Variants in MTFMT observed in about 807,000 individuals in gnomAD.
The protein encoded by MTFMT is methionyl-tRNA formyltransferase, mitochondrial.
Under a neutral mutation model 51.8 loss-of-function variants are expected in MTFMT, and 47 were observed. The ratio of observed to expected loss-of-function variants is 0.91; its 90% CI spans 0.72 to 1.16. The LOEUF (loss-of-function observed/expected upper bound fraction) is 1.16, where lower values mean the gene tolerates loss of function less well. Among genes scored for constraint, MTFMT ranks in the 50% most tolerant of loss-of-function variants. The probability of loss-of-function intolerance (pLI) is 0.00; values close to 1 mark genes in which losing one functional copy is unlikely to be tolerated. For missense variants in MTFMT, 512 were observed against 482.3 expected, an observed-to-expected ratio of 1.06 and a Z score of -0.58; for synonymous variants, 196 against 176.7, an observed-to-expected ratio of 1.11 and a Z score of -0.87.
At chr15:65,005,481 TATA>T (rs2086213852) in intron 7 of MTFMT, among the ~76,000 whole-genome samples, 1 of 152,266 alleles carries the variant, frequency 6.6e-6, no homozygotes, top group Middle Eastern at 3.4e-3. Context: ...ATATTTTCAT[TATA>T]ATATTCACCA....
Position 65,029,476 on chromosome 15 carries a change from A to G in MTFMT, c.138T>C (p.Pro46=). 1 of 1,534,020 alleles carries G rather than the reference A, an allele frequency of 6.5e-7. No individual in the cohort carries two copies. The highest frequency in any genetic ancestry group is 8.8e-7 in the Non-Finnish European group (1 of 1,141,950). Residue 46 remains proline, a synonymous_variant, in exon 1 of 9, where the codon CCT becomes CCC. Transcript: ENST00000220058. ...DCRDSRVREK[P]PWRVLFFGTD... ...TGCCGAAGAAGAGCACCCGCCAGGG[A>G]GGCTTCTCGCGGACTCTGGAGTCCC...
At chr15:65,013,219 C>T (rs762258440) in intron 6 of MTFMT, among the ~76,000 whole-genome samples, 14 of 151,956 alleles carry the variant, frequency 9.2e-5, no homozygotes, top group Non-Finnish European at 1.9e-4. Context: ...AGAGCGCAGA[C>T]ATCTTTATCT....
intron 6 of MTFMT, among the ~76,000 whole-genome samples, chr15:65,015,119 T>C (rs1433734375): frequency 6.6e-6 from 1 of 152,118 alleles, no homozygotes; most frequent in Non-Finnish European, 1.5e-5. Flanking sequence ...CAAGATGCTG[T>C]AAATATATTA....
chr15:65,012,811 T>C (rs1270136141), intron 6 of MTFMT, among the ~76,000 whole-genome samples: 3 of 152,236 alleles, frequency 2.0e-5, no homozygotes, highest in African/African-American at 4.8e-5. Context: ...TCCTCCAATT[T>C]TGTTAGTTTT....
intron 2 of MTFMT, chr15:65,026,421 T>C: frequency 4.3e-6 from 1 of 232,698 alleles, no homozygotes; most frequent in Non-Finnish European, 9.1e-6. Flanking sequence ...GGATTGGTCT[T>C]GCTTTTGGTG....
chr15:65,006,180 C>G lies in MTFMT; in HGVS notation c.825G>C (p.Gln275His), dbSNP rs747614238. ...TAATGGTATTCGCCATCCAGAGCGT[C>G]TGCAACGGAATCTGCAAGTAAAATT... Reference protein sequence around the residue: ...YRAIGNIIPLQTLWMANTIKL... With the variant: ...YRAIGNIIPLHTLWMANTIKL... The change falls in exon 7 of 9, where the codon CAG (glutamine) becomes CAC (histidine). Residue 275 changes from glutamine (Q) to histidine (H), a missense_variant. Transcript: ENST00000220058. 2 of 1,611,886 alleles carry G rather than the reference C, an allele frequency of 1.2e-6. No homozygotes were observed. Among genetic ancestry groups the G allele is most frequent in the African/African-American group, 2.7e-5 (2 of 74,862 alleles).
Position 65,029,435 on chromosome 15 carries a change from C to A in MTFMT, c.179G>T (p.Arg60Leu), listed in dbSNP as rs1374727012. The A allele has an allele frequency of 1.3e-6, 2 of 1,506,276 alleles. No homozygotes were observed. Among genetic ancestry groups the A allele is most frequent in the Admixed American group, 2.1e-5 (1 of 46,570 alleles). The allele number at this position is 1,506,276 out of a possible 1,614,324, so 93.3% of individuals were successfully genotyped here. A position where few individuals can be genotyped will look rare whatever the true frequency, so the allele number is the denominator to read the frequency against. Residue 60 changes from arginine to leucine, a missense_variant, in exon 1 of 9, where the codon CGC becomes CTC. Transcript: ENST00000220058. Reference protein sequence around the residue: ...VLFFGTDQFAREALRALHAAR... With the variant: ...VLFFGTDQFALEALRALHAAR... Reference sequence around the variant, plus strand: ...GGCGTGCAGCGCCCGCAGCGCCTCGCGGGCGAACTGGTCCGTGCCGAAGAA... The same window carrying A: ...GGCGTGCAGCGCCCGCAGCGCCTCGAGGGCGAACTGGTCCGTGCCGAAGAA...
In MTFMT at chr15:65,009,646, T is replaced by C. The variant is rs79611976; in HGVS notation, c.814-3455A>G. Among the ~76,000 whole-genome samples, 1,399 of 151,140 alleles carry C rather than the reference T, an allele frequency of 9.3e-3. 21 individuals are homozygous for C. The highest frequency in any genetic ancestry group is 0.033 in the African/African-American group (1,363 of 41,124). On this transcript the variant is annotated intron_variant, in intron 6 of 8. Coordinates refer to ENST00000220058, the MANE Select transcript of MTFMT (RefSeq NM_139242.4). ...CTGGCTACAGTCGCAGCAGCTTCTTTTTATTTTTTTAATTTTTTTTTTTAA... is the reference window on the plus strand; with the variant it reads ...CTGGCTACAGTCGCAGCAGCTTCTTCTTATTTTTTTAATTTTTTTTTTTAA...
At chr15:65,013,034 C>CT (rs750008168) in intron 6 of MTFMT, among the ~76,000 whole-genome samples, 3 of 151,940 alleles carry the variant, frequency 2.0e-5, no homozygotes, top group Non-Finnish European at 4.4e-5. Flanking sequence ...TTTATTAGCT[C>CT]TAATAGTTTT....
chr15:65,029,381 T>C, intron 1 of MTFMT, 24 bp downstream of exon 1: 1 of 1,438,936 alleles, frequency 6.9e-7, no homozygotes, highest in Non-Finnish European at 9.1e-7. Flanking sequence ...AGCGGCCGGG[T>C]CCCCGGATCC....
intron 6 of MTFMT, among the ~76,000 whole-genome samples, chr15:65,007,677 G>A (rs1017924951): frequency 3.9e-5 from 6 of 152,150 alleles, no homozygotes; most frequent in Non-Finnish European, 8.8e-5. Flanking sequence ...ATCTCTTGCT[G>A]TTTATTATTA....
In MTFMT at chr15:65,003,363, A is replaced by C. The variant is rs1481474590; in HGVS notation, c.976-107T>G. 1.8e-4 allele frequency: 148 copies of C among 811,834 alleles called. 1 individual carries two copies. The South Asian group carries it at 2.4e-3, about 13-fold the overall frequency. 50.3% of individuals were successfully genotyped at this position (811,834 alleles called of 1,614,324 possible). ...ATCATGGAAACAAACAAACCAACAA[A>C]TCTTTACTAAATGCCTAGCTGCAAA... On this transcript the variant is annotated intron_variant, in intron 8 of 8. Coordinates refer to ENST00000220058, the MANE Select transcript of MTFMT (RefSeq NM_139242.4).
chr15:65,005,021 C>G, intron 7 of MTFMT, 85 bp from the exon 8 acceptor site: 2 of 943,578 alleles, frequency 2.1e-6, no homozygotes, highest in South Asian at 2.8e-5. Context: ...CAAAAAACAT[C>G]TTGGGAGGCA....
In MTFMT at chr15:65,002,827, G is replaced by T. The variant is rs532408550; in HGVS notation, c.*235C>A. 4.1e-4 allele frequency: 105 copies of T among 253,316 alleles called. No individual in the cohort carries two copies. The highest frequency in any genetic ancestry group is 6.4e-4 in the Non-Finnish European group (85 of 133,410). The allele number at this position is 253,316 out of a possible 1,614,324, so 15.7% of individuals were successfully genotyped here. Reference sequence around the variant, plus strand: ...AAAATACAAAAATTAGCTGCGTGTGGTGGCGTGTGCCTGTAATCCCAGCTA... The same window carrying T: ...AAAATACAAAAATTAGCTGCGTGTGTTGGCGTGTGCCTGTAATCCCAGCTA... On this transcript the variant is annotated 3_prime_UTR_variant, in exon 9 of 9. Transcript: ENST00000220058.
At chr15:65,024,153 C>G (rs12914287) in intron 2 of MTFMT, among the ~76,000 whole-genome samples, 52,139 of 151,480 alleles carry the variant, frequency 0.34, 10,146 homozygotes, top group East Asian at 0.68. Context: ...ATGGAGAAAC[C>G]CCATCTCTAC....
chr15:65,026,703 A>T (rs1039611462), intron 2 of MTFMT, 128 bp downstream of exon 2: 2 of 792,224 alleles, frequency 2.5e-6, no homozygotes, highest in Non-Finnish European at 3.9e-6. Context: ...ACAGAAAAAT[A>T]AAATGGTAAA....
At chr15:65,006,842 CTGT>C (rs1399108422) in intron 6 of MTFMT, among the ~76,000 whole-genome samples, 1 of 152,024 alleles carries the variant, frequency 6.6e-6, no homozygotes, top group Non-Finnish European at 1.5e-5. Flanking sequence ...TAGGTAACGA[CTGT>C]TAAGTTTGAT....
intron 3 of MTFMT, among the ~76,000 whole-genome samples, chr15:65,022,271 G>A (rs1041207207): frequency 2.6e-5 from 4 of 152,062 alleles, no homozygotes; most frequent in Admixed American, 1.3e-4. Context: ...GGCCAACATG[G>A]TGAAACCCTA....
At position 65,002,984 on chromosome 15, in the gene MTFMT, A is replaced by AT; in HGVS notation, c.*77_*78insA. The AT allele has an allele frequency of 3.3e-6, 3 of 898,818 alleles. No homozygotes were observed. The highest frequency in any genetic ancestry group is 3.0e-6 in the Non-Finnish European group (2 of 656,992). The allele number at this position is 898,818 out of a possible 1,614,324, so 55.7% of individuals were successfully genotyped here. A position where few individuals can be genotyped will look rare whatever the true frequency, so the allele number is the denominator to read the frequency against. The stretch of plus-strand genomic sequence containing the variant: ...TCTCAAAAAAAAAAAAAAAAAAAAA[A>AT]GTCCAGATAATTCCTTGTAAATAAG... On this transcript the variant is annotated 3_prime_UTR_variant, in exon 9 of 9. Coordinates refer to ENST00000220058, the MANE Select transcript of MTFMT (RefSeq NM_139242.4).
Sources: gnomAD v4.1 joint callset for allele counts (sites outside exome capture counted in the v4.1 genomes callset) on GRCh38, gnomAD v4.1.1 for gene constraint, MANE v1.5 for transcripts, NCBI Gene and HGNC (gene_info 2026-07-23, HGNC 2026-07-21) for gene names.